KIFAP3: variants seen among roughly 807,000 people sequenced by gnomAD.
KIFAP3 encodes kinesin associated protein 3.
A neutral mutation model predicts 106.5 loss-of-function variants in KIFAP3; 68 were observed. The observed-to-expected ratio is 0.64, with a 90% CI of 0.53 to 0.78. KIFAP3 has a LOEUF of 0.78. Among genes scored for constraint, KIFAP3 ranks in the 30% least tolerant of loss-of-function variants. The pLI is 0.00. For missense variants in KIFAP3, 780 were observed against 941.8 expected, an observed-to-expected ratio of 0.83 and a Z score of 2.25; for synonymous variants, 320 against 311.5, an observed-to-expected ratio of 1.03 and a Z score of -0.29.
chr1:169,994,778 TAG>T (rs1487368450), intron 10 of KIFAP3, among the ~76,000 whole-genome samples: 4 of 152,106 alleles, frequency 2.6e-5, no homozygotes, highest in Non-Finnish European at 1.5e-5. Context: ...ATTTACAGAA[TAG>T]AGAGTCAAAT....
At chr1:170,031,696 T>C (rs1428778994) in intron 8 of KIFAP3, among the ~76,000 whole-genome samples, 190 bp downstream of exon 8, 1 of 151,702 alleles carries the variant, frequency 6.6e-6, no homozygotes, top group African/African-American at 2.4e-5. Context: ...AGGAACTAAA[T>C]GGGGAAAAAT....
At chr1:170,048,911 A>G (rs1022851497) in intron 2 of KIFAP3, among the ~76,000 whole-genome samples, 1 of 152,168 alleles carries the variant, frequency 6.6e-6, no homozygotes, top group Non-Finnish European at 1.5e-5. Flanking sequence ...CTGTTTGGGC[A>G]GGCACCGAGC....
intron 11 of KIFAP3, 83 bp from the exon 12 acceptor site, chr1:169,984,773 G>A: frequency 1.4e-6 from 1 of 700,670 alleles, no homozygotes; most frequent in Non-Finnish European, 2.6e-6. Context: ...ATCATAATGT[G>A]TTATCTTAGA....
chr1:170,061,804 A>G (rs1671171591), intron 1 of KIFAP3, among the ~76,000 whole-genome samples: 1 of 152,206 alleles, frequency 6.6e-6, no homozygotes, highest in South Asian at 2.1e-4. Flanking sequence ...AAAATGTGGC[A>G]CATATACACC....
chr1:170,031,832 A>T (rs980279569), intron 8 of KIFAP3, 54 bp downstream of exon 8: 2 of 1,112,762 alleles, frequency 1.8e-6, no homozygotes, highest in African/African-American at 3.1e-5. Context: ...GAACAAAACA[A>T]ATGTATTTGG....
At chr1:169,929,074 T>C (rs1663313380) in intron 19 of KIFAP3, among the ~76,000 whole-genome samples, 1 of 152,154 alleles carries the variant, frequency 6.6e-6, no homozygotes, top group South Asian at 2.1e-4. Context: ...GATCTAAATG[T>C]TTGTCATTTA....
chr1:170,000,883 C>T (rs902940823), intron 10 of KIFAP3, among the ~76,000 whole-genome samples: 2 of 151,998 alleles, frequency 1.3e-5, no homozygotes, highest in African/African-American at 4.8e-5. Flanking sequence ...AGTATGAAAA[C>T]ATTAAGTACA....
chr1:170,076,420 T>C (rs534041365), upstream of KIFAP3, among the ~76,000 whole-genome samples: 3 of 152,218 alleles, frequency 2.0e-5, no homozygotes, highest in Non-Finnish European at 4.4e-5. Flanking sequence ...AAGATAAGAT[T>C]ATGTAAAAAG....
rs184539547 is a variant in KIFAP3 at position 170,005,935 on chromosome 1, G to A, written c.1183+10527C>T. Among the ~76,000 whole-genome samples, 211 of 151,850 alleles carry A rather than the reference G, an allele frequency of 1.4e-3. 1 individual carries two copies. The highest frequency in any genetic ancestry group is 0.014 in the Middle Eastern group (4 of 292). The stretch of plus-strand genomic sequence containing the variant: ...AACTGTGAAGAAAACTGTTTTCTGT[G>A]TCCCTGATCTCTCATTTGGCAACCA... On this transcript the variant is annotated intron_variant, in intron 10 of 19. Coordinates refer to ENST00000361580, the MANE Select transcript of KIFAP3 (RefSeq NM_014970.4).
At chr1:169,938,823 A>C (rs1053004735) in intron 19 of KIFAP3, among the ~76,000 whole-genome samples, 9 of 152,222 alleles carry the variant, frequency 5.9e-5, no homozygotes, top group African/African-American at 1.9e-4. Context: ...AGGTAAGAAG[A>C]AGCCAGTTAT....
intron 7 of KIFAP3, among the ~76,000 whole-genome samples, chr1:170,033,973 C>T (rs192384345): frequency 2.6e-5 from 4 of 151,854 alleles, no homozygotes; most frequent in African/African-American, 7.2e-5. Flanking sequence ...AGGTTCATCA[C>T]CAAATTTACA....
chr1:170,005,214 G>T (rs1263250820), intron 10 of KIFAP3, among the ~76,000 whole-genome samples: 3 of 152,056 alleles, frequency 2.0e-5, no homozygotes, highest in Non-Finnish European at 2.9e-5. Flanking sequence ...AACAACAGGT[G>T]CTGGAGAGGA....
intron 1 of KIFAP3, among the ~76,000 whole-genome samples, chr1:170,056,838 T>C (rs1204184844): frequency 3.3e-5 from 5 of 151,900 alleles, no homozygotes; most frequent in East Asian, 1.9e-4. Flanking sequence ...ACTAAACTGA[T>C]AGTAAGACAT....
chr1:170,050,548 C>T (rs1557864644), intron 2 of KIFAP3, among the ~76,000 whole-genome samples: 1 of 152,186 alleles, frequency 6.6e-6, no homozygotes, highest in East Asian at 1.9e-4. Context: ...TCATCAGATT[C>T]TCCAAGGTTG....
At chr1:170,035,204 G>A (rs770656508) in intron 6 of KIFAP3, among the ~76,000 whole-genome samples, 1 of 151,934 alleles carries the variant, frequency 6.6e-6, no homozygotes, top group Non-Finnish European at 1.5e-5. Context: ...TATCCAAAGA[G>A]GGTGCCACTA....
In KIFAP3 at chr1:169,986,756, T is replaced by C. The variant is rs889779713; in HGVS notation, c.1285-2066A>G. On this transcript the variant is annotated intron_variant, in intron 11 of 19. Transcript: ENST00000361580. The stretch of plus-strand genomic sequence containing the variant: ...TTTTTCAATCTGAGAATCGGTTACA[T>C]TGAAGCAATGTTTCAAGCAAAGTAT... 3.3e-5 allele frequency among the ~76,000 whole-genome samples: 5 copies of C among 152,082 alleles called. No individual in the cohort carries two copies. In the South Asian group the frequency reaches 6.2e-4, roughly 19 times the overall value.
chr1:169,935,021 TA>T (rs1663709032), intron 19 of KIFAP3, among the ~76,000 whole-genome samples: 1 of 152,130 alleles, frequency 6.6e-6, no homozygotes, highest in African/African-American at 2.4e-5. Flanking sequence ...AAAAATACTT[TA>T]AAAAATATTT....
At chr1:170,039,318 A>T (rs367564188) in intron 3 of KIFAP3, 30 bp from the exon 4 acceptor site, 6 of 1,342,456 alleles carry the variant, frequency 4.5e-6, no homozygotes, top group African/African-American at 1.4e-5. Context: ...TAATAAGGAG[A>T]CTTAGGTTTT....
intron 19 of KIFAP3, among the ~76,000 whole-genome samples, chr1:169,924,446 C>T (rs983262267): frequency 6.6e-6 from 1 of 152,130 alleles, no homozygotes; most frequent in African/African-American, 2.4e-5. Flanking sequence ...TGGAATTCTC[C>T]ATTATGTATC....
Sources: allele counts gnomAD v4.1 joint callset (sites outside exome capture counted in the v4.1 genomes callset), GRCh38; gene constraint gnomAD v4.1.1; transcripts MANE v1.5; gene names NCBI Gene and HGNC (gene_info 2026-07-23, HGNC 2026-07-21).